Variants in BTF3 observed in about 807,000 individuals in gnomAD.
The protein encoded by BTF3 is basic transcription factor 3.
Under a neutral mutation model 23.9 loss-of-function variants are expected in BTF3, and 12 were observed. The observed-to-expected ratio is 0.50, with a 90% CI of 0.32 to 0.81. The LOEUF is 0.81. BTF3 is among the 40% of genes least tolerant of loss of function. The probability of loss-of-function intolerance (pLI) is 0.03; values close to 1 mark genes in which losing one functional copy is unlikely to be tolerated. For synonymous variants in BTF3, 96 were observed against 94.8 expected, an observed-to-expected ratio of 1.01 and a Z score of -0.07; for missense variants, 215 against 255.9, an observed-to-expected ratio of 0.84 and a Z score of 1.09.
intron 2 of BTF3, among the ~76,000 whole-genome samples, chr5:73,501,415 A>G (rs1746433200): frequency 6.6e-6 from 1 of 152,228 alleles, no homozygotes; most frequent in African/African-American, 2.4e-5. Flanking sequence ...GATAAAATGT[A>G]TTTATCTCTT....
chr5:73,504,740 T>G, intron 5 of BTF3: 1 of 212,114 alleles, frequency 4.7e-6, no homozygotes, highest in Non-Finnish European at 9.2e-6. Context: ...TACAAGAAGG[T>G]GTGGAGTTGT....
Position 73,498,715 on chromosome 5 carries a change from T to C in BTF3, c.48T>C (p.Gly16=), listed in dbSNP as rs1580356612. 6.7e-7 allele frequency: 1 copy of C among 1,481,812 alleles called. No homozygotes were observed. Among genetic ancestry groups the C allele is most frequent in the South Asian group, 1.3e-5 (1 of 77,850 alleles). The allele number at this position is 1,481,812 out of a possible 1,614,324, so 91.8% of individuals were successfully genotyped here. The change falls in exon 1 of 6, where the codon GGT becomes GGC. Residue 16 remains glycine, a synonymous_variant. Coordinates refer to ENST00000380591, the MANE Select transcript of BTF3 (RefSeq NM_001037637.2). ...APAQADSRGR[G]RARGGCPGGE... is the part of the protein sequence containing the mutation. Reference sequence around the variant, plus strand: ...CTCAGGCTGACTCTCGGGGGCGAGGTCGAGCCAGGGGCGGCTGCCCTGGGG... The same window carrying C: ...CTCAGGCTGACTCTCGGGGGCGAGGCCGAGCCAGGGGCGGCTGCCCTGGGG...
chr5:73,503,803 T>TG (rs1479767966), intron 4 of BTF3, among the ~76,000 whole-genome samples: 2 of 152,230 alleles, frequency 1.3e-5, no homozygotes, highest in African/African-American at 4.8e-5. Flanking sequence ...GCTTTTGAAG[T>TG]ATCCCACTGA....
At chr5:73,502,437 T>C (rs745765550) in intron 2 of BTF3, 51 bp from the exon 3 acceptor site, 15 of 1,266,330 alleles carry the variant, frequency 1.2e-5, no homozygotes, top group Non-Finnish European at 3.3e-6. Context: ...TTGAAAAATA[T>C]CTGTTGTGGT....
At position 73,499,213 on chromosome 5, in the gene BTF3, A is replaced by G. The variant is rs1361429394; in HGVS notation, c.201+11A>G. The G allele has an allele frequency of 3.1e-6, 5 of 1,611,410 alleles. No individual in the cohort carries two copies. The highest frequency in any genetic ancestry group is 3.4e-6 in the Non-Finnish European group (4 of 1,179,786). On this transcript the variant is annotated intron_variant, in intron 2 of 5. Transcript: ENST00000380591. ...CGCATTGGTGGGAAAGTAAGTTTTA[A>G]TAGTTCGGGTTTGTGGGTTTTTTTT... is the stretch of plus-strand genomic sequence containing the variant.
At chr5:73,502,627 A>G in intron 3 of BTF3, 26 bp downstream of exon 3, 3 of 1,540,034 alleles carry the variant, frequency 1.9e-6, no homozygotes, top group East Asian at 4.5e-5. Context: ...TGTTACTTTA[A>G]AAAACAAGAT....
rs1277498805 is a variant in BTF3 at position 73,498,681 on chromosome 5, G to A, written c.14G>A (p.Gly5Asp). ...GAGAGGAAGGCGATGCGACGGACAG[G>A]CGCACCCGCTCAGGCTGACTCTCGG... Reference protein sequence around the residue: MRRTGAPAQADSRGR... With the variant: MRRTDAPAQADSRGR... Residue 5 changes from glycine to aspartate, a missense_variant, in exon 1 of 6, where the codon GGC becomes GAC. Around this residue, in one of 2 missense-constraint regions of BTF3, gnomAD observed 116 missense variants for 84.7 expected, o/e 1.37. Transcript: ENST00000380591. The A allele has an allele frequency of 6.7e-7, 1 of 1,502,078 alleles. No homozygotes were observed. The highest frequency in any genetic ancestry group is 8.8e-7 in the Non-Finnish European group (1 of 1,134,054). The allele number at this position is 1,502,078 out of a possible 1,614,324, so 93.0% of individuals were successfully genotyped here. A position where few individuals can be genotyped will look rare whatever the true frequency, so the allele number is the denominator to read the frequency against.
chr5:73,502,740 T>A (rs1316214386), intron 3 of BTF3, 139 bp downstream of exon 3: 1 of 834,050 alleles, frequency 1.2e-6, no homozygotes, highest in African/African-American at 1.7e-5. Flanking sequence ...CATAAATTAA[T>A]AAATATCAGG....
intron 1 of BTF3, 147 bp from the exon 2 acceptor site, chr5:73,498,987 A>C (rs1164328335): frequency 8.0e-7 from 1 of 1,248,662 alleles, no homozygotes; most frequent in Non-Finnish European, 1.1e-6. Context: ...TGGAAACCCA[A>C]ATTTGGAGCT....
rs112073100 is a variant in BTF3, at chr5:73,499,325, G to C, written c.201+123G>C. The C allele has an allele frequency of 1.0e-5, 11 of 1,061,498 alleles. 1 individual carries two copies. The African/African-American group carries it at 1.3e-4, about 12-fold the overall frequency. 65.8% of individuals were successfully genotyped at this position (1,061,498 alleles called of 1,614,324 possible). The stretch of plus-strand genomic sequence containing the variant: ...ACTTTGCCTATCGAGGGAAATTCAC[G>C]GAGCTAGCAAATCTCGAGGAGCGGG... On this transcript the variant is annotated intron_variant, in intron 2 of 5. Transcript: ENST00000380591.
At chr5:73,504,573 G>C in intron 5 of BTF3, 170 bp downstream of exon 5, 1 of 498,860 alleles carries the variant, frequency 2.0e-6, no homozygotes, top group Non-Finnish European at 3.5e-6. Context: ...TATGTTTATA[G>C]ACTTGACTTG....
At position 73,504,477 on chromosome 5, in the gene BTF3, A is replaced by G. The variant is rs1353409125; in HGVS notation, c.574+74A>G. The G allele has an allele frequency of 1.1e-5, 14 of 1,272,234 alleles. No individual in the cohort carries two copies. The African/African-American group carries it at 1.4e-4, about 12-fold the overall frequency. 78.8% of individuals were successfully genotyped at this position (1,272,234 alleles called of 1,614,324 possible). ...ATAAGAAATCTTTGTAGGAAAAACT[A>G]CCCAGGGAAGAGGGGTGGTAAGTTA... On this transcript the variant is annotated intron_variant, in intron 5 of 5. Transcript: ENST00000380591.
At chr5:73,501,013 G>T (rs1409749770) in intron 2 of BTF3, among the ~76,000 whole-genome samples, 1 of 151,530 alleles carries the variant, frequency 6.6e-6, no homozygotes, top group Non-Finnish European at 1.5e-5. Context: ...TGGATCCTGA[G>T]AATATAAAAT....
At chr5:73,502,179 A>C (rs930162296) in intron 2 of BTF3, among the ~76,000 whole-genome samples, 7 of 148,312 alleles carry the variant, frequency 4.7e-5, no homozygotes, top group Admixed American at 1.3e-4. Context: ...AAAAAAAAAA[A>C]CAGAAGAGGT....
chr5:73,498,636 G>T lies in BTF3; in HGVS notation c.-32G>T. 1 of 1,466,034 alleles carries T rather than the reference G, an allele frequency of 6.8e-7. No homozygotes were observed. Among genetic ancestry groups the T allele is most frequent in the East Asian group, 2.7e-5 (1 of 37,312 alleles). The allele number at this position is 1,466,034 out of a possible 1,614,324, so 90.8% of individuals were successfully genotyped here. A position where few individuals can be genotyped will look rare whatever the true frequency, so the allele number is the denominator to read the frequency against. On this transcript the variant is annotated 5_prime_UTR_variant, in exon 1 of 6. Transcript: ENST00000380591. The stretch of plus-strand genomic sequence containing the variant: ...GAAGTTCCCTGAAGGAGCGAGACAG[G>T]GAGGGACAGGGCAGAGGAGGAGAGG...
chr5:73,498,569 G>T lies in BTF3; in HGVS notation c.-99G>T. The stretch of plus-strand genomic sequence containing the variant: ...ATTCGCTCCGACAAGGTACAAAAAG[G>T]CTCTGGACGGCGGCGTGGTAGGAGG... On this transcript the variant is annotated 5_prime_UTR_variant, in exon 1 of 6. Transcript: ENST00000380591. 2.1e-6 allele frequency: 3 copies of T among 1,401,962 alleles called. No homozygotes were observed. Among genetic ancestry groups the T allele is most frequent in the Non-Finnish European group, 2.8e-6 (3 of 1,086,124 alleles). The allele number at this position is 1,401,962 out of a possible 1,614,324, so 86.8% of individuals were successfully genotyped here. A position where few individuals can be genotyped will look rare whatever the true frequency, so the allele number is the denominator to read the frequency against.
At chr5:73,503,187 A>C in intron 4 of BTF3, 70 bp downstream of exon 4, 1 of 1,494,698 alleles carries the variant, frequency 6.7e-7, no homozygotes, top group Admixed American at 1.8e-5. Flanking sequence ...CTCAGGGCTC[A>C]GAATGGATAT....
chr5:73,502,158 CAAAAA>C (rs148360172), intron 2 of BTF3, among the ~76,000 whole-genome samples: 7 of 77,070 alleles, frequency 9.1e-5, no homozygotes, highest in Admixed American at 2.9e-4. Flanking sequence ...GACCCTGTCT[CAAAAA>C]AAAAAAAAAA....
At chr5:73,504,160 C>T (rs1162867250) in intron 4 of BTF3, among the ~76,000 whole-genome samples, 187 bp from the exon 5 acceptor site, 1 of 151,346 alleles carries the variant, frequency 6.6e-6, no homozygotes, top group East Asian at 1.9e-4. Flanking sequence ...TATTTTAACC[C>T]ATTTGTAGAC....
Sources: gnomAD v4.1 joint callset for allele counts (sites outside exome capture counted in the v4.1 genomes callset) on GRCh38, gnomAD v4.1.1 for gene constraint, gnomAD v4.1.1 regional missense constraint, MANE v1.5 for transcripts, NCBI Gene and HGNC (gene_info 2026-07-23, HGNC 2026-07-21) for gene names.